The following CCDC18 variants were observed in gnomAD, a reference collection of about 807,000 sequenced individuals.
CCDC18 encodes the protein coiled-coil domain-containing protein 18.
CCDC18 carries 157 observed loss-of-function variants against 196.0 expected under a neutral mutation model. That is an observed-to-expected ratio of 0.80 (90% CI 0.70 to 0.91). The LOEUF is 0.91. CCDC18 is among the 40% of genes least tolerant of loss of function. The probability of loss-of-function intolerance (pLI) is 0.00; values close to 1 mark genes in which losing one functional copy is unlikely to be tolerated. For synonymous variants in CCDC18, 482 were observed against 529.2 expected, an observed-to-expected ratio of 0.91 and a Z score of 1.22; for missense variants, 1,465 against 1,611.6, an observed-to-expected ratio of 0.91 and a Z score of 1.56.
chr1:93,232,026 T>C (rs1182863148), intron 17 of CCDC18, among the ~76,000 whole-genome samples: 1 of 152,194 alleles, frequency 6.6e-6, no homozygotes, highest in African/African-American at 2.4e-5. Context: ...TATCTGTTTC[T>C]GCCTAGGGAA....
chr1:93,259,026 C>A, intron 26 of CCDC18, 141 bp downstream of exon 26: 1 of 690,982 alleles, frequency 1.4e-6, no homozygotes, highest in Non-Finnish European at 2.2e-6. Flanking sequence ...AAACATACAG[C>A]TTTCACTTTA....
At chr1:93,227,174 C>CTTTTTTTTTTTT (rs36053002) in intron 17 of CCDC18, among the ~76,000 whole-genome samples, 2 of 103,706 alleles carry the variant, frequency 1.9e-5, no homozygotes, top group Non-Finnish European at 1.9e-5. Context: ...CATTGGAAAC[C>CTTTTTTTTTTTT]TTTTTTTTTT....
chr1:93,257,362 TAAAAAG>T (rs1557700369), intron 25 of CCDC18, among the ~76,000 whole-genome samples: 1 of 151,936 alleles, frequency 6.6e-6, no homozygotes, highest in Non-Finnish European at 1.5e-5. Flanking sequence ...AAAGTGCTTT[TAAAAAG>T]CAAAAATACT....
chr1:93,202,442 C>A (rs1653989780), intron 7 of CCDC18, among the ~76,000 whole-genome samples: 1 of 152,034 alleles, frequency 6.6e-6, no homozygotes, highest in African/African-American at 2.4e-5. Context: ...TTATTACATT[C>A]ATTTATTATA....
intron 16 of CCDC18, among the ~76,000 whole-genome samples, chr1:93,224,132 G>T (rs1238743745): frequency 6.6e-6 from 1 of 151,868 alleles, no homozygotes; most frequent in Non-Finnish European, 1.5e-5. Context: ...TGAAAAAATA[G>T]TCTACTCCTC....
chr1:93,183,573 G>T, intron 2 of CCDC18, 78 bp downstream of exon 2: 2 of 1,054,694 alleles, frequency 1.9e-6, no homozygotes, highest in East Asian at 2.7e-5. Context: ...TCATTATGAT[G>T]TATTGTTTCT....
chr1:93,233,026 A>G (rs1009470668), intron 18 of CCDC18, among the ~76,000 whole-genome samples: 7 of 152,222 alleles, frequency 4.6e-5, no homozygotes, highest in Non-Finnish European at 1.0e-4. Flanking sequence ...GAAATACTCT[A>G]TACTGATATT....
chr1:93,191,055 C>T lies in CCDC18; in HGVS notation c.463-945C>T, dbSNP rs779322573. On this transcript the variant is annotated intron_variant, in intron 4 of 28. Transcript: ENST00000690025. ...AAGTCCTGCAGGTTTTAGGAATGTT[C>T]ACCATGTTTGCGGGAGTGCTATCAG... 5.9e-5 allele frequency: 48 copies of T among 818,828 alleles called. 1 individual carries two copies. Among genetic ancestry groups the T allele is most frequent in the Admixed American group, 1.1e-4 (6 of 55,776 alleles). 50.7% of individuals were successfully genotyped at this position (818,828 alleles called of 1,614,324 possible).
intron 16 of CCDC18, among the ~76,000 whole-genome samples, chr1:93,224,284 G>A (rs1317889756): frequency 6.6e-6 from 1 of 152,060 alleles, no homozygotes; most frequent in Non-Finnish European, 1.5e-5. Context: ...GAGAAGGTAC[G>A]GATGTCATAA....
At position 93,264,822 on chromosome 1, in the gene CCDC18, A is replaced by T. The variant is rs1164216888; in HGVS notation, c.3806A>T (p.Asp1269Val). ...KAKLELEEAQ[D>V]TVSNLHQQVQ... ...AAATTGGAATTAGAAGAAGCTCAGGATACTGTAAGCAATTTGCATCAACAA... is the reference window on the plus strand; with the variant it reads ...AAATTGGAATTAGAAGAAGCTCAGGTTACTGTAAGCAATTTGCATCAACAA... Residue 1269 changes from aspartate (D) to valine (V), a missense_variant, in exon 27 of 29, where the codon GAT (aspartate) becomes GTT (valine). Coordinates refer to ENST00000690025, the MANE Select transcript of CCDC18 (RefSeq NM_001378204.1). The T allele has an allele frequency of 2.5e-6, 4 of 1,613,564 alleles. No homozygotes were observed. Among genetic ancestry groups the T allele is most frequent in the African/African-American group, 1.3e-5 (1 of 74,932 alleles).
intron 24 of CCDC18, among the ~76,000 whole-genome samples, chr1:93,255,039 G>A (rs1662765746): frequency 8.0e-6 from 1 of 124,756 alleles, no homozygotes. Context: ...TGCAACCTCT[G>A]CTTTCCGGGT....
intron 28 of CCDC18, among the ~76,000 whole-genome samples, chr1:93,273,214 G>GC (rs1384227681): frequency 6.6e-6 from 1 of 151,488 alleles, no homozygotes; most frequent in African/African-American, 2.4e-5. Context: ...GACTACAGGC[G>GC]CCCGCCACCA....
intron 18 of CCDC18, among the ~76,000 whole-genome samples, chr1:93,234,934 A>AGTGTGTGTGTGTGTGTGTGTGTGTGT (rs759186009): frequency 1.3e-4 from 9 of 67,874 alleles, no homozygotes; most frequent in Middle Eastern, 8.9e-3. Context: ...TGCCCAGCTA[A>AGTGTGTGTGTGTGTGTGTGTGTGTGT]GAGTGTGTGT....
At chr1:93,254,705 C>T (rs1211580269) in intron 24 of CCDC18, 91 bp downstream of exon 24, 18 of 1,199,642 alleles carry the variant, frequency 1.5e-5, no homozygotes, top group Non-Finnish European at 2.2e-5. Context: ...TTTTAATATA[C>T]AGAAACTGTG....
At chr1:93,213,728 T>C (rs1182853480) in intron 11 of CCDC18, among the ~76,000 whole-genome samples, 1 of 152,178 alleles carries the variant, frequency 6.6e-6, no homozygotes, top group African/African-American at 2.4e-5. Flanking sequence ...TTTTTAAGAA[T>C]GTTTTGAGAT....
At chr1:93,246,350 G>T in intron 22 of CCDC18, 146 bp downstream of exon 22, 1 of 507,330 alleles carries the variant, frequency 2.0e-6, no homozygotes, top group Non-Finnish European at 3.5e-6. Context: ...TTAGAGATAT[G>T]TCATCTCTCT....
At chr1:93,215,071 T>G in intron 12 of CCDC18, 105 bp downstream of exon 12, 3 of 668,818 alleles carry the variant, frequency 4.5e-6, no homozygotes, top group Non-Finnish European at 7.1e-6. Flanking sequence ...AGATTTAAAG[T>G]TTTTAAAAAA....
Position 93,253,248 on chromosome 1 carries a change from G to T in CCDC18, c.3199-1223G>T, listed in dbSNP as rs552899101. Reference sequence around the variant, plus strand: ...GGCATCTGCTGTGGGATGGAGGCTGGAGAACCTATCTTGTTGGCCCAGACA... The same window carrying T: ...GGCATCTGCTGTGGGATGGAGGCTGTAGAACCTATCTTGTTGGCCCAGACA... On this transcript the variant is annotated intron_variant, in intron 23 of 28. Transcript: ENST00000690025. Among the ~76,000 whole-genome samples, 11 of 152,330 alleles carry T rather than the reference G, an allele frequency of 7.2e-5. No homozygotes were observed. The South Asian group carries it at 2.3e-3, about 32-fold the overall frequency.
At chr1:93,217,708 A>G in intron 13 of CCDC18, 30 bp from the exon 14 acceptor site, 3 of 1,571,814 alleles carry the variant, frequency 1.9e-6, no homozygotes, top group Non-Finnish European at 2.6e-6. Context: ...CAAATCAATT[A>G]TACTCCTTTA....
Sources: allele counts gnomAD v4.1 joint callset (sites outside exome capture counted in the v4.1 genomes callset), GRCh38; gene constraint gnomAD v4.1.1; transcripts MANE v1.5; gene names NCBI Gene and HGNC (gene_info 2026-07-23, HGNC 2026-07-21).